C14orf93: variants seen among roughly 807,000 people sequenced by gnomAD.
The protein encoded by C14orf93 is chromosome 14 open reading frame 93.
Under a neutral mutation model 44.0 loss-of-function variants are expected in C14orf93, and 23 were observed. The ratio of observed to expected loss-of-function variants is 0.52; its 90% CI spans 0.38 to 0.74. C14orf93 has a LOEUF of 0.74. C14orf93 is among the 30% of genes least tolerant of loss of function. C14orf93 has a pLI of 0.00. For synonymous variants in C14orf93, 253 were observed against 265.7 expected (o/e 0.95, Z 0.46); for missense variants, 579 against 678.9 (o/e 0.85, Z 1.64).
intron 2 of C14orf93, among the ~76,000 whole-genome samples, chr14:22,997,524 C>T (rs973533008): frequency 6.6e-6 from 1 of 152,140 alleles, no homozygotes; most frequent in Admixed American, 6.5e-5. Context: ...TTTCCTATCT[C>T]TAAGATCTCT....
At chr14:22,998,393 C>T in intron 2 of C14orf93, 34 bp downstream of exon 2, 1 of 1,478,410 alleles carries the variant, frequency 6.8e-7, no homozygotes, top group South Asian at 1.4e-5. Context: ...AGGAAAAGCA[C>T]CTAGGAGGAA....
intron 1 of C14orf93, among the ~76,000 whole-genome samples, chr14:23,003,879 TATATATATATATATATATA>T (rs1359776558): frequency 0.011 from 171 of 16,190 alleles, 2 homozygotes; most frequent in African/African-American, 0.044. Flanking sequence ...TATATATATA[TATATATATATATATATATA>T]TTTTTTTTTT....
chr14:22,993,526 A>C (rs367674164), intron 3 of C14orf93, among the ~76,000 whole-genome samples: 1 of 152,246 alleles, frequency 6.6e-6, no homozygotes, highest in Non-Finnish European at 1.5e-5. Flanking sequence ...ATGTTTCAGA[A>C]AGTATTTGGG....
intron 3 of C14orf93, among the ~76,000 whole-genome samples, chr14:22,995,570 C>T (rs1215324485): frequency 2.6e-5 from 4 of 151,054 alleles, no homozygotes; most frequent in African/African-American, 4.9e-5. Flanking sequence ...ATCCCAGCTA[C>T]TCAGGAGGCT....
Position 22,987,306 on chromosome 14 carries a change from G to A in C14orf93, c.1526C>T (p.Ala509Val). 1.2e-6 allele frequency: 2 copies of A among 1,614,258 alleles called. No homozygotes were observed. The highest frequency in any genetic ancestry group is 2.2e-5 in the East Asian group (1 of 44,894). The change falls in exon 7 of 7, where the codon GCA becomes GTA. Residue 509 changes from alanine to valine, a missense_variant. Coordinates refer to ENST00000299088, the MANE Select transcript of C14orf93 (RefSeq NM_021944.4). The surrounding 1 kb of genome is among the most constrained non-coding windows in gnomAD (Gnocchi z 5.6). ...EEEDEGGDEN[A>V]PGSPSFDQPH... ...TTGGTCAAAAGATGGGGAGCCAGGT[G>A]CATTCTCATCCCCTCCCTCATCTTC...
intron 2 of C14orf93, chr14:22,998,201 C>G (rs2046106770): frequency 1.9e-6 from 1 of 525,296 alleles, no homozygotes; most frequent in Admixed American, 3.8e-5. Context: ...GGGAAGGGCA[C>G]CCCATCACTA....
chr14:23,009,816 C>CA (rs1447710873), intron 1 of C14orf93, among the ~76,000 whole-genome samples: 1 of 151,648 alleles, frequency 6.6e-6, no homozygotes, highest in Non-Finnish European at 1.5e-5. Context: ...CCCTCAACCA[C>CA]AAAAATCTAC....
In C14orf93 at chr14:22,990,092, A is replaced by T; in HGVS notation, c.954T>A (p.Asn318Lys). The T allele has an allele frequency of 1.9e-6, 3 of 1,613,796 alleles. No homozygotes were observed. The highest frequency in any genetic ancestry group is 2.5e-6 in the Non-Finnish European group (3 of 1,179,750). ...TTTCAGACCCATTGAATCTCTTGTCATTGGTGATGTGGTTATGCACATTGT... is the reference window on the plus strand; with the variant it reads ...TTTCAGACCCATTGAATCTCTTGTCTTTGGTGATGTGGTTATGCACATTGT... ...LVHNVHNHIT[N>K]DKRFNGSESI... is the part of the protein sequence containing the mutation. The change falls in exon 4 of 7, where the codon AAT (asparagine) becomes AAA (lysine). Residue 318 changes from asparagine (N) to lysine (K), a missense_variant. By Grantham distance (94) the Asn-to-Lys change is moderately conservative. Transcript: ENST00000299088.
rs1351648035 is a variant in C14orf93, at chr14:22,987,828, C to T, written c.1197+75G>A. ...TGGCTCTCAACCCTATTCTCATATG[C>T]CATGTCCTCTGGCCCTTCCCACTTA... On this transcript the variant is annotated intron_variant, in intron 6 of 6. Transcript: ENST00000299088. The surrounding 1 kb of genome is among the most constrained non-coding windows in gnomAD (Gnocchi z 5.6). The T allele has an allele frequency of 1.5e-6, 2 of 1,320,814 alleles. No individual in the cohort carries two copies. Among genetic ancestry groups the T allele is most frequent in the Admixed American group, 1.9e-5 (1 of 53,160 alleles). The allele number at this position is 1,320,814 out of a possible 1,614,324, so 81.8% of individuals were successfully genotyped here. A position where few individuals can be genotyped will look rare whatever the true frequency, so the allele number is the denominator to read the frequency against.
chr14:22,999,788 T>C (rs2046202511), intron 1 of C14orf93, among the ~76,000 whole-genome samples: 1 of 152,184 alleles, frequency 6.6e-6, no homozygotes, highest in East Asian at 1.9e-4. Flanking sequence ...CACTCCTAAA[T>C]AAGGAATACA....
At position 22,996,977 on chromosome 14, in the gene C14orf93, GCACACGCACACA is replaced by G. The variant is rs1388955398; in HGVS notation, c.598-721_598-710del. On this transcript the variant is annotated intron_variant, in intron 2 of 6. Coordinates refer to ENST00000299088, the MANE Select transcript of C14orf93 (RefSeq NM_021944.4). This position sits in a 1 kb window ranked among gnomAD's most constrained non-coding sequence, Gnocchi z 4.1. The stretch of plus-strand genomic sequence containing the variant: ...AAATACTGAAAGTGGGGACACACAC[GCACACGCACACA>G]CACACACACACACACACACACAGAA... Among the ~76,000 whole-genome samples the G allele has an allele frequency of 2.7e-5, 4 of 149,236 alleles. No homozygotes were observed. The highest frequency in any genetic ancestry group is 1.0e-4 in the African/African-American group (4 of 39,086).
chr14:23,004,808 C>T (rs1180401485), intron 1 of C14orf93, among the ~76,000 whole-genome samples: 2 of 151,986 alleles, frequency 1.3e-5, no homozygotes, highest in Non-Finnish European at 2.9e-5. Context: ...ATCCCAGCTA[C>T]TCGGGAGGCT....
rs1168139200 is a variant in C14orf93 at position 22,986,782 on chromosome 14, C to G, written c.*433G>C. 4 of 193,520 alleles carry G rather than the reference C, an allele frequency of 2.1e-5. No individual in the cohort carries two copies. Among genetic ancestry groups the G allele is most frequent in the Admixed American group, 1.1e-4 (2 of 18,882 alleles). The allele number at this position is 193,520 out of a possible 1,614,324, so 12.0% of individuals were successfully genotyped here. A position where few individuals can be genotyped will look rare whatever the true frequency, so the allele number is the denominator to read the frequency against. Reference sequence around the variant, plus strand: ...GGTATTAACCTGCACTGGTCATGTTCGGTTTCCACTGCAGAGCAAGACAAG... The same window carrying G: ...GGTATTAACCTGCACTGGTCATGTTGGGTTTCCACTGCAGAGCAAGACAAG... On this transcript the variant is annotated 3_prime_UTR_variant, in exon 7 of 7. Coordinates refer to ENST00000299088, the MANE Select transcript of C14orf93 (RefSeq NM_021944.4).
rs780435740 is a variant in C14orf93, at chr14:22,998,600, C to G, written c.424G>C (p.Glu142Gln). 6.2e-6 allele frequency: 10 copies of G among 1,614,078 alleles called. No individual in the cohort carries two copies. In the African/African-American group the frequency reaches 1.2e-4, roughly 19 times the overall value. Residue 142 changes from glutamate (E) to glutamine (Q), a missense_variant, in exon 2 of 7, where the codon GAA becomes CAA. By Grantham distance (29) the Glu-to-Gln change is conservative. Coordinates refer to ENST00000299088, the MANE Select transcript of C14orf93 (RefSeq NM_021944.4). The part of the protein sequence containing the change: ...GEAFKALSAV[E>Q]EECDSVGSGV... Reference sequence around the variant, plus strand: ...CTGCCCACGCTGTCACACTCCTCTTCCACGGCAGACAGAGCCTTAAAGGCT... The same window carrying G: ...CTGCCCACGCTGTCACACTCCTCTTGCACGGCAGACAGAGCCTTAAAGGCT...
chr14:22,994,930 C>T (rs1004987209), intron 3 of C14orf93, among the ~76,000 whole-genome samples: 7 of 152,106 alleles, frequency 4.6e-5, no homozygotes, highest in Admixed American at 1.3e-4. Context: ...CCCCTGCCCC[C>T]GGCCACCCAC....
Position 22,998,940 on chromosome 14 carries a change from A to G in C14orf93, c.84T>C (p.Thr28=). The part of the protein sequence containing the change: ...RCCCCACKSE[T]NGGNTGSQGG... ...CCTGGGAGCCTGTGTTGCCTCCATT[A>G]GTCTCACTCTTACAGGCGCAGCAGC... The change falls in exon 2 of 7, where the codon ACT becomes ACC. Residue 28 remains threonine (T), a synonymous_variant. Coordinates refer to ENST00000299088, the MANE Select transcript of C14orf93 (RefSeq NM_021944.4). 6.2e-7 allele frequency: 1 copy of G among 1,614,018 alleles called. No homozygotes were observed. Among genetic ancestry groups the G allele is most frequent in the Non-Finnish European group, 8.5e-7 (1 of 1,180,032 alleles).
Position 22,990,098 on chromosome 14 carries a change from G to A in C14orf93, c.948C>T (p.Ile316=). Residue 316 remains isoleucine (I), a synonymous_variant, in exon 4 of 7, where the codon ATC becomes ATT. Transcript: ENST00000299088. Reference sequence around the variant, plus strand: ...ACCCATTGAATCTCTTGTCATTGGTGATGTGGTTATGCACATTGTGGACCA... The same window carrying A: ...ACCCATTGAATCTCTTGTCATTGGTAATGTGGTTATGCACATTGTGGACCA... ...SKLVHNVHNH[I]TNDKRFNGSE... The A allele has an allele frequency of 6.2e-7, 1 of 1,613,676 alleles. No homozygotes were observed. The highest frequency in any genetic ancestry group is 1.1e-5 in the South Asian group (1 of 91,030).
chr14:22,987,127 G>A lies in C14orf93; in HGVS notation c.*88C>T. 1 of 1,367,070 alleles carries A rather than the reference G, an allele frequency of 7.3e-7. No individual in the cohort carries two copies. The highest frequency in any genetic ancestry group is 1.4e-5 in the South Asian group (1 of 69,000). The allele number at this position is 1,367,070 out of a possible 1,614,324, so 84.7% of individuals were successfully genotyped here. A position where few individuals can be genotyped will look rare whatever the true frequency, so the allele number is the denominator to read the frequency against. ...AATTTGCTTTCTCAGACTGCACAGA[G>A]CATCTCATTATTTTGTGAAGCCCCA... On this transcript the variant is annotated 3_prime_UTR_variant, in exon 7 of 7. Transcript: ENST00000299088. The surrounding 1 kb of genome is among the most constrained non-coding windows in gnomAD (Gnocchi z 5.6).
At chr14:23,006,931 G>C (rs960963808) in intron 1 of C14orf93, 1 of 152,400 alleles carries the variant, frequency 6.6e-6, no homozygotes, top group African/African-American at 2.4e-5. Context: ...GATCTCGCCG[G>C]GTCACCGGGG....
Sources: gnomAD v4.1 joint callset for allele counts (sites outside exome capture counted in the v4.1 genomes callset) on GRCh38, gnomAD v4.1.1 for gene constraint, Gnocchi (gnomAD v3.1) non-coding constraint, MANE v1.5 for transcripts, NCBI Gene and HGNC (gene_info 2026-07-23, HGNC 2026-07-21) for gene names.